The following MDGA2 variants were observed in gnomAD, a reference collection of about 807,000 sequenced individuals.
The protein encoded by MDGA2 is MAM domain containing glycosylphosphatidylinositol anchor 2.
A neutral mutation model predicts 117.8 loss-of-function variants in MDGA2; 40 were observed. The observed-to-expected ratio is 0.34, with a 90% CI of 0.26 to 0.44. The LOEUF (loss-of-function observed/expected upper bound fraction) is 0.44, where lower values mean the gene tolerates loss of function less well. MDGA2 is among the 20% of genes least tolerant of loss of function. The pLI, the probability that MDGA2 is intolerant of heterozygous loss-of-function variation, is 1.00. For missense variants in MDGA2, 1,123 were observed against 1,250.6 expected, an observed-to-expected ratio of 0.90 and a Z score of 1.54; for synonymous variants, 452 against 439.0, an observed-to-expected ratio of 1.03 and a Z score of -0.37.
intron 1 of MDGA2, among the ~76,000 whole-genome samples, chr14:47,351,503 A>T (rs1890881200): frequency 6.6e-6 from 1 of 152,166 alleles, no homozygotes. Flanking sequence ...CCAGGATTCA[A>T]CATCTTTAAG....
At chr14:46,983,945 T>C (rs1249873483) in intron 8 of MDGA2, among the ~76,000 whole-genome samples, 1 of 151,938 alleles carries the variant, frequency 6.6e-6, no homozygotes, top group Non-Finnish European at 1.5e-5. Flanking sequence ...ATATTACAAG[T>C]ATATTTATAT....
chr14:47,618,963 G>T (rs1431166648), intron 1 of MDGA2, among the ~76,000 whole-genome samples: 1 of 151,986 alleles, frequency 6.6e-6, no homozygotes, highest in Non-Finnish European at 1.5e-5. Context: ...GACCCATCCA[G>T]GGACTCTAGC....
intron 1 of MDGA2, among the ~76,000 whole-genome samples, chr14:47,518,914 A>C (rs1340241882): frequency 6.6e-6 from 1 of 152,078 alleles, no homozygotes; most frequent in East Asian, 1.9e-4. Flanking sequence ...TTAAAAAATC[A>C]AGTTATAGGC....
chr14:47,510,546 G>A (rs958697943), intron 1 of MDGA2, among the ~76,000 whole-genome samples: 2 of 152,068 alleles, frequency 1.3e-5, no homozygotes, highest in African/African-American at 2.4e-5. Flanking sequence ...TTAACTCAAT[G>A]TCTTAAAAAA....
chr14:47,108,161 T>C (rs1880827681), intron 5 of MDGA2, among the ~76,000 whole-genome samples: 1 of 152,100 alleles, frequency 6.6e-6, no homozygotes, highest in Non-Finnish European at 1.5e-5. Flanking sequence ...ACAATACTTT[T>C]ACCACATTCC....
chr14:47,568,391 T>C (rs1457866805), intron 1 of MDGA2, among the ~76,000 whole-genome samples: 1 of 152,202 alleles, frequency 6.6e-6, no homozygotes, highest in East Asian at 1.9e-4. Flanking sequence ...CAAGTACAAC[T>C]AAATACTGAA....
intron 3 of MDGA2, among the ~76,000 whole-genome samples, chr14:47,191,419 C>CATATATAT (rs59188931): frequency 5.0e-4 from 72 of 143,524 alleles, no homozygotes; most frequent in African/African-American, 1.7e-3. Flanking sequence ...TATATATTTA[C>CATATATAT]ATATATATAT....
intron 8 of MDGA2, among the ~76,000 whole-genome samples, chr14:46,968,725 T>C (rs1420801281): frequency 6.7e-6 from 1 of 148,696 alleles, no homozygotes; most frequent in African/African-American, 2.5e-5. Context: ...TAGTCCCAGC[T>C]ACTTGGGAGG....
chr14:46,891,622 TAG>T (rs1341085148), intron 10 of MDGA2, among the ~76,000 whole-genome samples: 1 of 151,546 alleles, frequency 6.6e-6, no homozygotes, highest in Admixed American at 6.6e-5. Context: ...CATGATTTGG[TAG>T]AGTTTAAAAC....
In MDGA2 at chr14:47,463,192, A is replaced by C. The variant is rs532008246; in HGVS notation, c.281-161642T>G. On this transcript the variant is annotated intron_variant, in intron 1 of 16. Transcript: ENST00000399232. The stretch of plus-strand genomic sequence containing the variant: ...TTTAGCAAATTTATATCTCAAATTA[A>C]ATTTTTATTAAAATTACTTTATTTC... Among the ~76,000 whole-genome samples the C allele has an allele frequency of 2.0e-5, 3 of 152,322 alleles. No individual in the cohort carries two copies. In the East Asian group the frequency reaches 5.8e-4, roughly 29 times the overall value.
At chr14:47,560,074 T>C (rs1007320756) in intron 1 of MDGA2, among the ~76,000 whole-genome samples, 1 of 145,072 alleles carries the variant, frequency 6.9e-6, no homozygotes, top group African/African-American at 2.5e-5. Context: ...ATCTTAGGAT[T>C]TTTTTTTTTT....
At chr14:47,351,548 C>T (rs111598534) in intron 1 of MDGA2, among the ~76,000 whole-genome samples, 58 of 152,266 alleles carry the variant, frequency 3.8e-4, no homozygotes, top group Non-Finnish European at 6.2e-4. Context: ...TCAATAAGCA[C>T]TTGCTAAATG....
Position 47,218,063 on chromosome 14 carries a change from A to G in MDGA2, c.553T>C (p.Leu185=), listed in dbSNP as rs1296446901. 5.8e-6 allele frequency: 9 copies of G among 1,551,392 alleles called. 1 individual carries two copies. Among genetic ancestry groups the G allele is most frequent in the Non-Finnish European group, 4.4e-6 (5 of 1,146,648 alleles). ...ATTGACTTTATCGCTGGAGACCCCA[A>G]GCCATTCTCTGCTTTACAGTAATAC... ...GRYYCKAENG[L]GSPAIKSIRV... Residue 185 remains leucine, a synonymous_variant, in exon 3 of 17, where the codon TTG becomes CTG. Transcript: ENST00000399232.
chr14:47,155,380 G>T (rs1883326276), intron 3 of MDGA2, among the ~76,000 whole-genome samples: 1 of 152,022 alleles, frequency 6.6e-6, no homozygotes, highest in African/African-American at 2.4e-5. Context: ...GACAGAAACA[G>T]AGAAGAGCCA....
intron 5 of MDGA2, among the ~76,000 whole-genome samples, chr14:47,107,461 C>T (rs545059605): frequency 4.3e-4 from 65 of 152,202 alleles, no homozygotes; most frequent in Non-Finnish European, 8.2e-4. Context: ...TATTCCTTTG[C>T]ACCCTTAATC....
At chr14:47,008,967 T>C (rs1887804578) in intron 8 of MDGA2, among the ~76,000 whole-genome samples, 2 of 151,942 alleles carry the variant, frequency 1.3e-5, no homozygotes, top group African/African-American at 4.8e-5. Flanking sequence ...TTCTTTCTAT[T>C]TTTAAAATAA....
intron 2 of MDGA2, among the ~76,000 whole-genome samples, chr14:47,236,057 C>T (rs374867727): frequency 7.2e-5 from 11 of 152,068 alleles, no homozygotes; most frequent in African/African-American, 2.4e-4. Context: ...CTTTGGAAGA[C>T]CGAGGTGGGC....
intron 2 of MDGA2, among the ~76,000 whole-genome samples, chr14:47,220,085 T>C (rs923502906): frequency 1.1e-4 from 16 of 152,072 alleles, no homozygotes; most frequent in Admixed American, 2.0e-4. Context: ...TAGAAAGAAA[T>C]GCAAATAATC....
At position 47,551,175 on chromosome 14, in the gene MDGA2, T is replaced by C. The variant is rs1228984734; in HGVS notation, c.280+123342A>G. Reference sequence around the variant, plus strand: ...TTGTTTAATATAATTAAGAGGATAATATTGTTTTTGATTAAAAAAATATTT... The same window carrying C: ...TTGTTTAATATAATTAAGAGGATAACATTGTTTTTGATTAAAAAAATATTT... On this transcript the variant is annotated intron_variant, in intron 1 of 16. Coordinates refer to ENST00000399232, the MANE Select transcript of MDGA2 (RefSeq NM_001113498.3). 2.0e-5 allele frequency among the ~76,000 whole-genome samples: 3 copies of C among 151,994 alleles called. No individual in the cohort carries two copies. In the East Asian group the frequency reaches 5.8e-4, roughly 29 times the overall value.
Sources: gnomAD v4.1 joint callset for allele counts (sites outside exome capture counted in the v4.1 genomes callset) on GRCh38, gnomAD v4.1.1 for gene constraint, MANE v1.5 for transcripts, NCBI Gene and HGNC (gene_info 2026-07-23, HGNC 2026-07-21) for gene names.